Variants in RCOR3 observed in about 807,000 individuals in gnomAD.
RCOR3 encodes the protein REST corepressor 3.
RCOR3 carries 13 observed loss-of-function variants against 64.1 expected under a neutral mutation model. The observed-to-expected ratio is 0.20, with a 90% CI of 0.13 to 0.32. The LOEUF (loss-of-function observed/expected upper bound fraction) is 0.32. Ranked by LOEUF, RCOR3 falls within the 10% of genes least tolerant of loss-of-function variation. The pLI, the probability that RCOR3 is intolerant of heterozygous loss-of-function variation, is 1.00. For synonymous variants in RCOR3, 215 were observed against 239.0 expected (o/e 0.90, Z 0.93); for missense variants, 489 against 701.2 (o/e 0.70, Z 3.42).
At chr1:211,277,640 T>G (rs1187698101) in intron 5 of RCOR3, among the ~76,000 whole-genome samples, 1 of 152,122 alleles carries the variant, frequency 6.6e-6, no homozygotes, top group Non-Finnish European at 1.5e-5. Context: ...GAAAGTAGAT[T>G]AGTGGTTGCC....
intron 8 of RCOR3, among the ~76,000 whole-genome samples, chr1:211,293,447 G>C (rs971750452): frequency 6.6e-6 from 1 of 152,152 alleles, no homozygotes; most frequent in Non-Finnish European, 1.5e-5. Flanking sequence ...CTTCCTAAGC[G>C]TTATTCTGCC....
chr1:211,279,442 A>G, intron 7 of RCOR3, 126 bp downstream of exon 7: 1 of 634,876 alleles, frequency 1.6e-6, no homozygotes, highest in South Asian at 2.2e-5. Flanking sequence ...TTCAGTGTTA[A>G]TTAGCAATAC....
chr1:211,311,974 G>C (rs2102681479), intron 10 of RCOR3, among the ~76,000 whole-genome samples: 1 of 152,256 alleles, frequency 6.6e-6, no homozygotes, highest in African/African-American at 2.4e-5. Context: ...TTAAGGTAGT[G>C]ATGATGAGCA....
At chr1:211,290,345 T>G (rs937976991) in intron 8 of RCOR3, among the ~76,000 whole-genome samples, 4 of 152,194 alleles carry the variant, frequency 2.6e-5, no homozygotes, top group Non-Finnish European at 4.4e-5. Flanking sequence ...CAGAATCATC[T>G]TTTATTCATC....
chr1:211,268,559 T>G (rs1695622988), intron 2 of RCOR3, among the ~76,000 whole-genome samples: 3 of 151,998 alleles, frequency 2.0e-5, no homozygotes, highest in South Asian at 4.2e-4. Flanking sequence ...GTATTTTTAA[T>G]AGAGATGAGG....
intron 3 of RCOR3, chr1:211,271,789 T>C (rs1263775006): frequency 4.2e-6 from 1 of 240,334 alleles, no homozygotes; most frequent in African/African-American, 2.2e-5. Context: ...GACCATGCAC[T>C]TCTTGAATCA....
At chr1:211,306,637 T>C (rs1259701174) in intron 10 of RCOR3, among the ~76,000 whole-genome samples, 1 of 152,172 alleles carries the variant, frequency 6.6e-6, no homozygotes, top group Non-Finnish European at 1.5e-5. Flanking sequence ...ATTACAACTC[T>C]TTTGAAACCA....
chr1:211,299,540 A>G (rs1700170461), intron 9 of RCOR3, among the ~76,000 whole-genome samples: 1 of 152,218 alleles, frequency 6.6e-6, no homozygotes. Context: ...AGCATCGAGT[A>G]GAAGATTTAA....
At chr1:211,266,070 G>A (rs2102437822) in intron 2 of RCOR3, among the ~76,000 whole-genome samples, 1 of 152,218 alleles carries the variant, frequency 6.6e-6, no homozygotes, top group Middle Eastern at 3.4e-3. Flanking sequence ...ATTGTCTTGG[G>A]AAAGAGAAAA....
chr1:211,283,871 A>G (rs1246751136), intron 7 of RCOR3, among the ~76,000 whole-genome samples: 1 of 151,410 alleles, frequency 6.6e-6, no homozygotes, highest in Non-Finnish European at 1.5e-5. Context: ...TAAAGACTGA[A>G]TATAAAAAGT....
At chr1:211,301,136 G>C (rs929092516) in intron 9 of RCOR3, among the ~76,000 whole-genome samples, 1 of 152,038 alleles carries the variant, frequency 6.6e-6, no homozygotes, top group Non-Finnish European at 1.5e-5. Flanking sequence ...TTTTAGACCT[G>C]AGTAAGATAT....
chr1:211,278,790 A>C (rs542188483), intron 6 of RCOR3, among the ~76,000 whole-genome samples: 21 of 139,542 alleles, frequency 1.5e-4, no homozygotes, highest in African/African-American at 2.4e-4. Context: ...ATCTGAATTA[A>C]AAGCTCATCT....
intron 3 of RCOR3, among the ~76,000 whole-genome samples, chr1:211,273,201 T>C (rs1696482524): frequency 1.3e-5 from 2 of 152,346 alleles, no homozygotes; most frequent in South Asian, 4.1e-4. Flanking sequence ...CAGCAAATAC[T>C]TAAAAAATTC....
At chr1:211,307,104 T>C (rs1330082400) in intron 10 of RCOR3, among the ~76,000 whole-genome samples, 1 of 152,236 alleles carries the variant, frequency 6.6e-6, no homozygotes, top group Non-Finnish European at 1.5e-5. Flanking sequence ...CTTATACATA[T>C]ATACATATTT....
intron 1 of RCOR3, 41 bp downstream of exon 1, chr1:211,259,767 C>A: frequency 5.7e-6 from 8 of 1,398,040 alleles, no homozygotes; most frequent in Non-Finnish European, 7.5e-6. Context: ...CGCCTGCCCC[C>A]CTCCCTCTTC....
intron 9 of RCOR3, among the ~76,000 whole-genome samples, chr1:211,298,280 G>C (rs749223976): frequency 1.3e-5 from 2 of 152,324 alleles, no homozygotes; most frequent in Non-Finnish European, 2.9e-5. Flanking sequence ...GGCAAGGACA[G>C]TTAGAGAAGA....
At chr1:211,286,093 G>A (rs1199922848) in intron 7 of RCOR3, among the ~76,000 whole-genome samples, 1 of 152,086 alleles carries the variant, frequency 6.6e-6, no homozygotes, top group East Asian at 1.9e-4. Flanking sequence ...ATACAGCTGG[G>A]CGTATGTATT....
chr1:211,274,207 C>A lies in RCOR3; in HGVS notation c.302-3C>A. The A allele has an allele frequency of 6.3e-7, 1 of 1,581,260 alleles. No homozygotes were observed. Among genetic ancestry groups the A allele is most frequent in the Admixed American group, 1.7e-5 (1 of 59,404 alleles). ...TTAATTATATAACATTATTTCATTG[C>A]AGTGGATGAATACATTGCAATTGCA... On this transcript the variant is annotated splice_polypyrimidine_tract_variant and splice_region_variant and intron_variant, in intron 3 of 11. Coordinates refer to ENST00000419091, the MANE Select transcript of RCOR3 (RefSeq NM_001136223.3).
In RCOR3 at chr1:211,263,461, T is replaced by C. The variant is rs373754250; in HGVS notation, c.223+3297T>C. Among the ~76,000 whole-genome samples the C allele has an allele frequency of 2.0e-5, 3 of 152,298 alleles. No individual in the cohort carries two copies. In the South Asian group the frequency reaches 6.2e-4, roughly 32 times the overall value. On this transcript the variant is annotated intron_variant, in intron 2 of 11. Coordinates refer to ENST00000419091, the MANE Select transcript of RCOR3 (RefSeq NM_001136223.3). ...TACTCAGACTAATTGAATTTTATTA[T>C]TAGAATAAGGATAAACATCACTTTC...
Sources: gnomAD v4.1 joint callset for allele counts (sites outside exome capture counted in the v4.1 genomes callset) on GRCh38, gnomAD v4.1.1 for gene constraint, MANE v1.5 for transcripts, NCBI Gene and HGNC (gene_info 2026-07-23, HGNC 2026-07-21) for gene names.